The following GRM7 variants were observed in gnomAD, a reference collection of about 807,000 sequenced individuals.
GRM7 encodes glutamate metabotropic receptor 7, also known as metabotropic glutamate receptor 7.
Under a neutral mutation model 84.5 loss-of-function variants are expected in GRM7, and 35 were observed. That is an observed-to-expected ratio of 0.41 (90% CI 0.32 to 0.55). The LOEUF (loss-of-function observed/expected upper bound fraction) is 0.55, where lower values mean the gene tolerates loss of function less well. Among genes scored for constraint, GRM7 ranks in the 20% least tolerant of loss-of-function variants. The pLI, the probability that GRM7 is intolerant of heterozygous loss-of-function variation, is 0.19. For synonymous variants in GRM7, 487 were observed against 455.1 expected, an observed-to-expected ratio of 1.07 and a Z score of -0.89; for missense variants, 1,003 against 1,194.6, an observed-to-expected ratio of 0.84 and a Z score of 2.36.
At chr3:7,088,765 C>T (rs1418190287) in intron 1 of GRM7, among the ~76,000 whole-genome samples, 1 of 149,014 alleles carries the variant, frequency 6.7e-6, no homozygotes, top group Non-Finnish European at 1.5e-5. Flanking sequence ...GTGCCCTCCA[C>T]CTCTTGACCC....
In GRM7 at chr3:7,037,037, A is replaced by G. The variant is rs184469295; in HGVS notation, c.520-109415A>G. On this transcript the variant is annotated intron_variant, in intron 1 of 9. Coordinates refer to ENST00000357716, the MANE Select transcript of GRM7 (RefSeq NM_000844.4). ...TCTGTGTCAAGAGATGTCTTAGGAC[A>G]TTGAAATATTTATTAATGTTTCTAA... Among the ~76,000 whole-genome samples, 544 of 152,340 alleles carry G rather than the reference A, an allele frequency of 3.6e-3. 3 individuals carry two copies. Among genetic ancestry groups the G allele is most frequent in the African/African-American group, 0.012 (506 of 41,590 alleles).
chr3:7,004,627 T>C (rs1195586194), intron 1 of GRM7, among the ~76,000 whole-genome samples: 1 of 152,218 alleles, frequency 6.6e-6, no homozygotes. Context: ...TACGAGTAGG[T>C]AATAAAATAA....
intron 1 of GRM7, among the ~76,000 whole-genome samples, chr3:7,004,758 C>G (rs41480946): frequency 0.3 from 45,383 of 151,942 alleles, 8,321 homozygotes; most frequent in African/African-American, 0.52. Context: ...CCATGTTTTT[C>G]CCGTCAGGTG....
intron 7 of GRM7, among the ~76,000 whole-genome samples, chr3:7,566,162 C>A (rs983032645): frequency 3.2e-5 from 4 of 126,002 alleles, no homozygotes; most frequent in African/African-American, 1.3e-4. Flanking sequence ...ATACTTTAGG[C>A]TTTTCTGGCT....
intron 2 of GRM7, among the ~76,000 whole-genome samples, chr3:7,294,765 A>C (rs2133450): frequency 0.38 from 58,123 of 151,914 alleles, 11,668 homozygotes; most frequent in Middle Eastern, 0.48. Flanking sequence ...TTACAAATTC[A>C]CAGGCTTTAC....
chr3:7,254,251 G>A (rs1698117743), intron 2 of GRM7, among the ~76,000 whole-genome samples: 1 of 152,134 alleles, frequency 6.6e-6, no homozygotes, highest in Non-Finnish European at 1.5e-5. Flanking sequence ...TTGAAAGTAT[G>A]AATATTTTTT....
intron 1 of GRM7, among the ~76,000 whole-genome samples, chr3:7,077,531 G>A (rs1040464328): frequency 2.3e-5 from 3 of 132,368 alleles, no homozygotes; most frequent in Non-Finnish European, 1.6e-5. Flanking sequence ...ATGAGAACAT[G>A]TTGATACAGG....
rs147672877 is a variant in GRM7 at position 7,689,908 on chromosome 3, G to C, written c.2698+9613G>C. 3.1e-4 allele frequency among the ~76,000 whole-genome samples: 47 copies of C among 152,218 alleles called. 1 individual carries two copies. In the East Asian group the frequency reaches 9.1e-3, roughly 29 times the overall value. ...GCCTTCAGGGAGCTCAGATCTGATG[G>C]AAGACTCAAAGGTAAGTAATAGACT... On this transcript the variant is annotated intron_variant, in intron 9 of 9. Transcript: ENST00000357716.
chr3:7,254,686 T>G (rs929342836), intron 2 of GRM7, among the ~76,000 whole-genome samples: 1 of 152,252 alleles, frequency 6.6e-6, no homozygotes, highest in African/African-American at 2.4e-5. Context: ...TGCTGACCTC[T>G]GCTGCAGAGT....
intron 4 of GRM7, among the ~76,000 whole-genome samples, chr3:7,344,210 T>C (rs73113742): frequency 0.042 from 6,332 of 152,132 alleles, 294 homozygotes; most frequent in African/African-American, 0.12. Context: ...GCCTAGTATC[T>C]ATTAGTTATT....
rs999469489 is a variant in GRM7, at chr3:7,741,154, G to C, written c.*748G>C. 3 of 152,592 alleles carry C rather than the reference G, an allele frequency of 2.0e-5. No homozygotes were observed. Among genetic ancestry groups the C allele is most frequent in the Admixed American group, 6.5e-5 (1 of 15,288 alleles). 9.5% of individuals were successfully genotyped at this position (152,592 alleles called of 1,614,324 possible). On this transcript the variant is annotated 3_prime_UTR_variant, in exon 10 of 10. Transcript: ENST00000357716. The stretch of plus-strand genomic sequence containing the variant: ...GTCTTGATCTTTGGAATGCATGCCA[G>C]TAATGTATTTTACAGTACATGTTTA...
chr3:7,145,199 A>T (rs1302845545), intron 1 of GRM7, among the ~76,000 whole-genome samples: 3 of 152,132 alleles, frequency 2.0e-5, no homozygotes, highest in Admixed American at 2.0e-4. Context: ...GCTTGGTCTG[A>T]GAAAAGATCA....
At chr3:7,259,953 G>GTTTGTTTTTTTT (rs1553638864) in intron 2 of GRM7, among the ~76,000 whole-genome samples, 1 of 89,668 alleles carries the variant, frequency 1.1e-5, no homozygotes, top group African/African-American at 5.9e-5. Flanking sequence ...ACCAGCATCT[G>GTTTGTTTTTTTT]TTTTTTTTTT....
chr3:7,538,366 C>A (rs1163876893), intron 7 of GRM7, among the ~76,000 whole-genome samples: 2 of 152,186 alleles, frequency 1.3e-5, no homozygotes, highest in African/African-American at 4.8e-5. Flanking sequence ...CACGCCTCAG[C>A]CTCCCAAAGT....
At chr3:6,943,892 A>G (rs1045550842) in intron 1 of GRM7, among the ~76,000 whole-genome samples, 1 of 152,056 alleles carries the variant, frequency 6.6e-6, no homozygotes, top group Non-Finnish European at 1.5e-5. Context: ...CGGGTGTTGT[A>G]CATCTTTTGT....
chr3:7,501,943 C>A (rs1699896883), intron 7 of GRM7, among the ~76,000 whole-genome samples: 2 of 152,160 alleles, frequency 1.3e-5, no homozygotes. Context: ...CTATCCTACG[C>A]AAGAATTTAT....
At chr3:6,934,574 T>C (rs1284182653) in intron 1 of GRM7, among the ~76,000 whole-genome samples, 2 of 152,162 alleles carry the variant, frequency 1.3e-5, no homozygotes, top group African/African-American at 4.8e-5. Context: ...TATAGGAGGG[T>C]ATAACTGCAT....
At chr3:7,259,239 T>A (rs1356634256) in intron 2 of GRM7, among the ~76,000 whole-genome samples, 1 of 152,240 alleles carries the variant, frequency 6.6e-6, no homozygotes, top group Non-Finnish European at 1.5e-5. Flanking sequence ...TTGCCATCTG[T>A]AAAGTGATGG....
chr3:7,652,502 C>A (rs530021032), intron 8 of GRM7, among the ~76,000 whole-genome samples: 22 of 152,278 alleles, frequency 1.4e-4, no homozygotes, highest in Admixed American at 4.6e-4. Context: ...AAGTCAATCC[C>A]TTCACCTCTG....
Sources: gnomAD v4.1 joint callset for allele counts (sites outside exome capture counted in the v4.1 genomes callset) on GRCh38, gnomAD v4.1.1 for gene constraint, MANE v1.5 for transcripts, NCBI Gene and HGNC (gene_info 2026-07-23, HGNC 2026-07-21) for gene names.